The following FAT3 variants were observed in gnomAD, a reference collection of about 807,000 sequenced individuals.
FAT3 encodes the protein FAT atypical cadherin 3, also known as protocadherin Fat 3.
In FAT3, 95 loss-of-function variants were observed where a neutral mutation model predicts 310.2. The observed-to-expected ratio is 0.31, with a 90% CI of 0.26 to 0.36. The LOEUF is 0.36. Ranked by LOEUF, FAT3 falls within the 10% of genes least tolerant of loss-of-function variation. FAT3 has a pLI of 1.00. For missense variants in FAT3, 5,408 were observed against 5,715.6 expected (o/e 0.95, Z 1.74); for synonymous variants, 2,314 against 2,192.9 (o/e 1.06, Z -1.54).
intron 2 of FAT3, among the ~76,000 whole-genome samples, chr11:92,420,085 G>A (rs757768799): frequency 2.6e-5 from 4 of 152,196 alleles, no homozygotes; most frequent in Admixed American, 6.5e-5. Flanking sequence ...CTGGCTGCCT[G>A]ATTTTGTAAA....
At chr11:92,836,090 A>C (rs1002137844) in intron 15 of FAT3, among the ~76,000 whole-genome samples, 8 of 152,114 alleles carry the variant, frequency 5.3e-5, no homozygotes, top group African/African-American at 1.9e-4. Context: ...CATACATATA[A>C]ATTTCAACAT....
intron 4 of FAT3, among the ~76,000 whole-genome samples, chr11:92,705,566 GT>G (rs1944277809): frequency 7.0e-5 from 1 of 14,226 alleles, no homozygotes; most frequent in African/African-American, 2.5e-4. Context: ...TGTGATGGTG[GT>G]GGTGGTGGTG....
At chr11:92,229,522 T>TTTTTTTTTTTTTTTTTTTTTTTTTTTCTC (rs1864080573) in intron 1 of FAT3, among the ~76,000 whole-genome samples, 1 of 141,928 alleles carries the variant, frequency 7.0e-6, no homozygotes, top group African/African-American at 2.6e-5. Context: ...TTGTTTTTTT[T>TTTTTTTTTTTTTTTTTTTTTTTTTTTCTC]TACATTGCCT....
At chr11:92,535,000 G>T (rs1954206008) in intron 3 of FAT3, among the ~76,000 whole-genome samples, 1 of 152,194 alleles carries the variant, frequency 6.6e-6, no homozygotes, top group Non-Finnish European at 1.5e-5. Flanking sequence ...TCTTTGTGTA[G>T]ATTCCTCTTG....
chr11:92,866,166 C>A (rs1160619631), intron 21 of FAT3, among the ~76,000 whole-genome samples: 1 of 152,172 alleles, frequency 6.6e-6, no homozygotes, highest in Non-Finnish European at 1.5e-5. Flanking sequence ...CTCTTTCTTT[C>A]CCCTGTGGAG....
chr11:92,422,762 C>CT (rs1950557524), intron 2 of FAT3, among the ~76,000 whole-genome samples: 1 of 152,068 alleles, frequency 6.6e-6, no homozygotes, highest in Admixed American at 6.6e-5. Context: ...GGACTTTCTT[C>CT]TTTTTTTCAG....
At chr11:92,309,399 C>G (rs1947233177) in intron 1 of FAT3, among the ~76,000 whole-genome samples, 1 of 141,802 alleles carries the variant, frequency 7.1e-6, no homozygotes, top group Non-Finnish European at 1.6e-5. Flanking sequence ...CACACACACA[C>G]ACACACACAC....
chr11:92,434,347 G>A (rs922946522), intron 2 of FAT3, among the ~76,000 whole-genome samples: 16 of 152,242 alleles, frequency 1.1e-4, no homozygotes, highest in East Asian at 1.9e-4. Context: ...TAAAAAGGGC[G>A]CATGTCTTAC....
At chr11:92,780,059 A>C (rs1201378029) in intron 7 of FAT3, among the ~76,000 whole-genome samples, 1 of 152,162 alleles carries the variant, frequency 6.6e-6, no homozygotes, top group Non-Finnish European at 1.5e-5. Context: ...TCCAGAAAGA[A>C]ACACATCCAT....
intron 1 of FAT3, among the ~76,000 whole-genome samples, chr11:92,305,766 T>C (rs1220669258): frequency 6.6e-6 from 1 of 152,052 alleles, no homozygotes; most frequent in Non-Finnish European, 1.5e-5. Flanking sequence ...TCTTCAAATG[T>C]CAAGGTCACG....
At chr11:92,299,746 G>A (rs1336221000) in intron 1 of FAT3, among the ~76,000 whole-genome samples, 1 of 152,082 alleles carries the variant, frequency 6.6e-6, no homozygotes, top group Non-Finnish European at 1.5e-5. Context: ...GAAACAAAAA[G>A]CCATATCTTC....
chr11:92,768,641 C>T (rs545725614), intron 6 of FAT3, among the ~76,000 whole-genome samples: 6 of 152,284 alleles, frequency 3.9e-5, no homozygotes, highest in African/African-American at 1.2e-4. Context: ...TTCCTCCTTA[C>T]GTAAGCATCT....
chr11:92,225,916 C>A (rs1863885175), intron 1 of FAT3, among the ~76,000 whole-genome samples: 1 of 152,048 alleles, frequency 6.6e-6, no homozygotes, highest in Non-Finnish European at 1.5e-5. Flanking sequence ...TGATTTTTGG[C>A]GGGCGTGTGG....
At chr11:92,857,093 G>A in intron 19 of FAT3, 121 bp from the exon 20 acceptor site, 2 of 1,433,700 alleles carry the variant, frequency 1.4e-6, no homozygotes, top group Non-Finnish European at 1.9e-6. Context: ...ACTCAGCTCA[G>A]AGCCCACATA....
chr11:92,327,134 T>G (rs1947788272), intron 1 of FAT3, among the ~76,000 whole-genome samples: 1 of 152,140 alleles, frequency 6.6e-6, no homozygotes, highest in South Asian at 2.1e-4. Flanking sequence ...TATTACTGAA[T>G]TTTTCTTTTT....
intron 4 of FAT3, among the ~76,000 whole-genome samples, chr11:92,727,078 A>G (rs1040553019): frequency 2.0e-5 from 3 of 152,190 alleles, no homozygotes; most frequent in Non-Finnish European, 4.4e-5. Context: ...TCAATCTACT[A>G]TGAATTTCGA....
At chr11:92,859,837 T>C (rs955611390) in intron 21 of FAT3, among the ~76,000 whole-genome samples, 1 of 152,210 alleles carries the variant, frequency 6.6e-6, no homozygotes, top group Non-Finnish European at 1.5e-5. Context: ...AGCAGCCAGA[T>C]TTATTTTAGA....
chr11:92,613,209 G>C (rs933246517), intron 3 of FAT3, among the ~76,000 whole-genome samples: 2 of 152,018 alleles, frequency 1.3e-5, no homozygotes, highest in African/African-American at 4.8e-5. Context: ...TCCCTCCTTT[G>C]GTCGAGAAGA....
chr11:92,439,219 A>G (rs192321407), intron 2 of FAT3, among the ~76,000 whole-genome samples: 6 of 152,134 alleles, frequency 3.9e-5, no homozygotes, highest in Admixed American at 6.5e-5. Context: ...ATATAAAAAA[A>G]CCCACAATTT....
Sources: gnomAD v4.1 joint callset for allele counts (sites outside exome capture counted in the v4.1 genomes callset) on GRCh38, gnomAD v4.1.1 for gene constraint, MANE v1.5 for transcripts, NCBI Gene and HGNC (gene_info 2026-07-23, HGNC 2026-07-21) for gene names.